Variants in TUBGCP2 observed in about 807,000 individuals in gnomAD.
TUBGCP2 encodes the protein gamma-tubulin complex component 2.
A neutral mutation model predicts 92.2 loss-of-function variants in TUBGCP2; 55 were observed. The observed-to-expected ratio is 0.60, with a 90% confidence interval of 0.48 to 0.75. The LOEUF (loss-of-function observed/expected upper bound fraction) is 0.75. Ranked by LOEUF, TUBGCP2 falls within the 30% of genes least tolerant of loss-of-function variation. TUBGCP2 has a pLI of 0.00. For synonymous variants in TUBGCP2, 533 were observed against 505.2 expected (o/e 1.06, Z -0.74); for missense variants, 1,093 against 1,188.9 (o/e 0.92, Z 1.19).
intron 11 of TUBGCP2, among the ~76,000 whole-genome samples, chr10:133,287,611 G>A (rs535641047): frequency 3.4e-4 from 46 of 135,772 alleles, no homozygotes; most frequent in East Asian, 1.1e-3. Context: ...GCGTGGTGGC[G>A]CGCACCTGTA....
upstream of TUBGCP2, chr10:133,310,177 T>C (rs369149265): frequency 3.8e-5 from 61 of 1,613,732 alleles, no homozygotes; most frequent in Non-Finnish European, 4.7e-5. Context: ...CAGTGCTTGG[T>C]AGAAGGCTGC....
intron 2 of TUBGCP2, chr10:133,300,510 A>G (rs765929582): frequency 1.1e-5 from 2 of 178,230 alleles, no homozygotes; most frequent in African/African-American, 4.7e-5. Context: ...GGAGGTTGAG[A>G]CTGCAGTAAG....
chr10:133,286,003 T>A (rs775218828), intron 11 of TUBGCP2, among the ~76,000 whole-genome samples: 1 of 152,078 alleles, frequency 6.6e-6, no homozygotes, highest in Non-Finnish European at 1.5e-5. Flanking sequence ...ACGAGGGACA[T>A]AATAGTTATT....
chr10:133,297,823 G>C, intron 5 of TUBGCP2, 129 bp downstream of exon 5: 1 of 1,376,996 alleles, frequency 7.3e-7, no homozygotes, highest in Non-Finnish European at 9.9e-7. Flanking sequence ...AGGCCCGGGG[G>C]AGGGCTGGGC....
At chr10:133,301,103 A>C (rs1028178367) in intron 2 of TUBGCP2, among the ~76,000 whole-genome samples, 1 of 151,984 alleles carries the variant, frequency 6.6e-6, no homozygotes, top group Non-Finnish European at 1.5e-5. Context: ...TTCCCTCTGG[A>C]ATTTGTTATT....
Position 133,293,620 on chromosome 10 carries a change from T to G in TUBGCP2, c.766A>C (p.Ile256Leu). ...FLVDPNLDLS[I>L]RELVHRILPV... The stretch of plus-strand genomic sequence containing the variant: ...AGGATCCTGTGCACCAGCTCCCTGA[T>G]GGACAGGTCCAGGTTGGGGTCCACG... Residue 256 changes from isoleucine (I) to leucine (L), a missense_variant, in exon 6 of 18, where the codon ATC becomes CTC. By Grantham distance (5) the Ile-to-Leu change is conservative (BLOSUM62 2). Around this residue, in one of 3 missense-constraint regions of TUBGCP2, gnomAD observed 490 missense variants for 488.5 expected, o/e 1.00. Coordinates refer to ENST00000252936, the MANE Select transcript of TUBGCP2 (RefSeq NM_006659.4). The G allele has an allele frequency of 3.2e-6, 5 of 1,568,552 alleles. No individual in the cohort carries two copies. Among genetic ancestry groups the G allele is most frequent in the Non-Finnish European group, 4.3e-6 (5 of 1,156,902 alleles).
At chr10:133,282,673 C>A (rs1188765151) in intron 15 of TUBGCP2, among the ~76,000 whole-genome samples, 1 of 152,242 alleles carries the variant, frequency 6.6e-6, no homozygotes, top group East Asian at 1.9e-4. Flanking sequence ...GAGCCTCATT[C>A]TCAGACCCCT....
At chr10:133,283,678 TGCCTCTCCCGCATTC>T (rs1847047437) in intron 14 of TUBGCP2, among the ~76,000 whole-genome samples, 189 bp downstream of exon 14, 4 of 6,062 alleles carry the variant, frequency 6.6e-4, no homozygotes, top group African/African-American at 1.9e-3. Flanking sequence ...CTGCACTCCC[TGCCTCTCCCGCATTC>T]CCTGCCTCTC....
At position 133,285,044 on chromosome 10, in the gene TUBGCP2, G is replaced by T; in HGVS notation, c.2024+41C>A. 4.5e-6 allele frequency: 7 copies of T among 1,565,900 alleles called. No homozygotes were observed. The highest frequency in any genetic ancestry group is 6.1e-6 in the Non-Finnish European group (7 of 1,152,276). ...CACCACTGGGCAGAGTGCAGCGAGC[G>T]CTGCTTCAGGAGGGCATGCGGGGGC... On this transcript the variant is annotated intron_variant, in intron 13 of 17. Coordinates refer to ENST00000252936, the MANE Select transcript of TUBGCP2 (RefSeq NM_006659.4). This position sits in a 1 kb window ranked among gnomAD's most constrained non-coding sequence, Gnocchi z 6.8.
chr10:133,280,172 A>G (rs1431969076), intron 17 of TUBGCP2, among the ~76,000 whole-genome samples: 1 of 152,138 alleles, frequency 6.6e-6, no homozygotes, highest in Non-Finnish European at 1.5e-5. Context: ...CTCCTAACTA[A>G]TGTTTCCACA....
Position 133,280,836 on chromosome 10 carries a change from GCGC to G in TUBGCP2, c.2573+434_2573+436del, listed in dbSNP as rs1476109750. 3.5e-5 allele frequency among the ~76,000 whole-genome samples: 5 copies of G among 144,368 alleles called. No individual in the cohort carries two copies. In the East Asian group the frequency reaches 1.1e-3, roughly 32 times the overall value. 94.7% of individuals were successfully genotyped at this position (144,368 alleles called of 152,430 possible). A position where few individuals can be genotyped will look rare whatever the true frequency, so the allele number is the denominator to read the frequency against. ...CTGAGGAAGGGCTGAGCCGGGGCAG[GCGC>G]TGGGCTGAGCTGGGGGAAGGCTGAG... is the stretch of plus-strand genomic sequence containing the variant. On this transcript the variant is annotated intron_variant, in intron 17 of 17. Transcript: ENST00000252936.
rs566144260 is a variant in TUBGCP2, at chr10:133,286,588, G to A, written c.1723-960C>T. On this transcript the variant is annotated intron_variant, in intron 11 of 17. Transcript: ENST00000252936. ...GGGCGCGTCCTCCTCCCGCGCGCACGGAACCGAGGGCACATCCTCCTCCCG... is the reference window on the plus strand; with the variant it reads ...GGGCGCGTCCTCCTCCCGCGCGCACAGAACCGAGGGCACATCCTCCTCCCG... 1.8e-3 allele frequency among the ~76,000 whole-genome samples: 272 copies of A among 151,798 alleles called. 1 individual carries two copies. The highest frequency in any genetic ancestry group is 6.1e-3 in the African/African-American group (254 of 41,336).
upstream of TUBGCP2, chr10:133,309,976 T>C: frequency 6.2e-7 from 1 of 1,612,752 alleles, no homozygotes; most frequent in Non-Finnish European, 8.5e-7. Flanking sequence ...AGGCAGGACA[T>C]GGTGGGTGAC....
chr10:133,296,284 T>C (rs868231528), intron 5 of TUBGCP2, among the ~76,000 whole-genome samples: 19 of 152,182 alleles, frequency 1.2e-4, no homozygotes, highest in African/African-American at 4.6e-4. Context: ...GCTCCACTGC[T>C]GGGATCCCAG....
At position 133,289,243 on chromosome 10, in the gene TUBGCP2, C is replaced by G. The variant is rs548839233; in HGVS notation, c.1361-223G>C. Among the ~76,000 whole-genome samples the G allele has an allele frequency of 1.7e-3, 255 of 152,336 alleles. 3 individuals are homozygous for G. The highest frequency in any genetic ancestry group is 2.9e-3 in the Non-Finnish European group (200 of 68,030). On this transcript the variant is annotated intron_variant, in intron 9 of 17. Coordinates refer to ENST00000252936, the MANE Select transcript of TUBGCP2 (RefSeq NM_006659.4). ...CTCCTTCCCGGTAAATCACTGTCAG[C>G]GGCTACAGACTGAGCTGGTGGTGGC...
intron 1 of TUBGCP2, chr10:133,308,606 C>T (rs941934232): frequency 2.9e-5 from 5 of 172,792 alleles, no homozygotes; most frequent in Admixed American, 1.3e-4. Context: ...CGCTCCGCCC[C>T]GCCCCGGCTG....
At chr10:133,294,383 C>T (rs903324658) in intron 5 of TUBGCP2, among the ~76,000 whole-genome samples, 5 of 152,204 alleles carry the variant, frequency 3.3e-5, no homozygotes, top group Non-Finnish European at 5.9e-5. Context: ...ACTGTCCCCA[C>T]GAGGGCCTGA....
In TUBGCP2 at chr10:133,289,841, T is replaced by C; in HGVS notation, c.1343A>G (p.Asp448Gly). The change falls in exon 9 of 18, where the codon GAC becomes GGC. Residue 448 changes from aspartate to glycine, a missense_variant. By Grantham distance (94) the Asp-to-Gly change is moderately conservative (BLOSUM62 -1). Transcript: ENST00000252936. Reference sequence around the variant, plus strand: ...CGCCGCACCTGTGCTGAGGATCTTGTCCGCCATTTTCTGCAGGAAGGACGG... The same window carrying C: ...CGCCGCACCTGTGCTGAGGATCTTGCCCGCCATTTTCTGCAGGAAGGACGG... Reference protein sequence around the residue: ...QIPSFLQKMADKILSTGKYLN... With the variant: ...QIPSFLQKMAGKILSTGKYLN... 1.7e-6 allele frequency: 1 copy of C among 603,618 alleles called. No individual in the cohort carries two copies. The highest frequency in any genetic ancestry group is 2.3e-6 in the Non-Finnish European group (1 of 442,670). The allele number at this position is 603,618 out of a possible 1,614,324, so 37.4% of individuals were successfully genotyped here.
chr10:133,303,875 G>A (rs1564774443), intron 1 of TUBGCP2, among the ~76,000 whole-genome samples: 1 of 152,192 alleles, frequency 6.6e-6, no homozygotes. Context: ...ATATGAGATC[G>A]AAGGCGTCAC....
Sources: allele counts gnomAD v4.1 joint callset (sites outside exome capture counted in the v4.1 genomes callset), GRCh38; gene constraint gnomAD v4.1.1; regional missense constraint gnomAD v4.1.1; non-coding constraint Gnocchi (gnomAD v3.1); transcripts MANE v1.5; gene names NCBI Gene and HGNC (gene_info 2026-07-23, HGNC 2026-07-21).